STX7: variants seen among roughly 807,000 people sequenced by gnomAD.
The protein encoded by STX7 is syntaxin-7.
STX7 carries 34 observed loss-of-function variants against 39.6 expected under a neutral mutation model. The ratio of observed to expected loss-of-function variants is 0.86; its 90% CI spans 0.65 to 1.14. The LOEUF is 1.14. Among genes scored for constraint, STX7 ranks in the 50% most tolerant of loss-of-function variants. The pLI is 0.00. For synonymous variants in STX7, 119 were observed against 99.1 expected, an observed-to-expected ratio of 1.20 and a Z score of -1.19; for missense variants, 284 against 310.4, an observed-to-expected ratio of 0.92 and a Z score of 0.64.
intron 6 of STX7, 92 bp from the exon 7 acceptor site, chr6:132,470,139 G>A: frequency 2.2e-6 from 2 of 895,864 alleles, no homozygotes; most frequent in Non-Finnish European, 1.6e-6. Context: ...CATTAAATAG[G>A]ATATTTTATT....
intron 5 of STX7, among the ~76,000 whole-genome samples, 194 bp from the exon 6 acceptor site, chr6:132,470,820 T>A (rs1490873046): frequency 7.1e-6 from 1 of 140,854 alleles, no homozygotes; most frequent in Non-Finnish European, 1.5e-5. Context: ...CTTCAAGTAA[T>A]AATATAATTA....
At chr6:132,461,487 T>G (rs1774397385) in intron 9 of STX7, among the ~76,000 whole-genome samples, 1 of 151,992 alleles carries the variant, frequency 6.6e-6, no homozygotes, top group Non-Finnish European at 1.5e-5. Flanking sequence ...TTTTTTTGTA[T>G]TTTTAGTAGA....
chr6:132,494,152 A>T (rs1775364732), intron 2 of STX7, among the ~76,000 whole-genome samples: 1 of 152,208 alleles, frequency 6.6e-6, no homozygotes, highest in Non-Finnish European at 1.5e-5. Flanking sequence ...TACACTTAGG[A>T]TAAAATGTCT....
At position 132,458,458 on chromosome 6, in the gene STX7, G is replaced by T. The variant is rs2114337225; in HGVS notation, c.*2300C>A. On this transcript the variant is annotated 3_prime_UTR_variant, in exon 10 of 10. Transcript: ENST00000367941. ...TGCCACATTGTCGTTCAATTTACCT[G>T]GCTGGTTAATATCAGTCTGTGTTTG... is the stretch of plus-strand genomic sequence containing the variant. The T allele has an allele frequency of 6.6e-6, 1 of 152,258 alleles. No individual in the cohort carries two copies. The allele number at this position is 152,258 out of a possible 1,614,324, so 9.4% of individuals were successfully genotyped here.
At chr6:132,473,312 T>C (rs1391851858) in intron 3 of STX7, among the ~76,000 whole-genome samples, 1 of 152,162 alleles carries the variant, frequency 6.6e-6, no homozygotes. Context: ...TATCTGCAGA[T>C]TGGTTCCAGG....
chr6:132,450,930 C>T lies in STX7; in HGVS notation c.*9828G>A, dbSNP rs1393645622. The T allele has an allele frequency of 1.3e-5, 2 of 151,378 alleles. No individual in the cohort carries two copies. Among genetic ancestry groups the T allele is most frequent in the Admixed American group, 1.3e-4 (2 of 15,182 alleles). 9.4% of individuals were successfully genotyped at this position (151,378 alleles called of 1,614,324 possible). A position where few individuals can be genotyped will look rare whatever the true frequency, so the allele number is the denominator to read the frequency against. ...CATAAACATATAGATGGTGAGAAGA[C>T]CTCAAATATAATAAACCCCCCAAAT... On this transcript the variant is annotated 3_prime_UTR_variant, in exon 10 of 10. Coordinates refer to ENST00000367941, the MANE Select transcript of STX7 (RefSeq NM_003569.3).
At chr6:132,481,881 T>C (rs934683801) in intron 2 of STX7, among the ~76,000 whole-genome samples, 3 of 152,218 alleles carry the variant, frequency 2.0e-5, no homozygotes, top group African/African-American at 7.2e-5. Context: ...GTGGCATTTG[T>C]AATGGTTTGA....
At chr6:132,461,001 C>T (rs907014611) in intron 9 of STX7, 151 bp from the exon 10 acceptor site, 1 of 614,758 alleles carries the variant, frequency 1.6e-6, no homozygotes, top group African/African-American at 1.9e-5. Context: ...TTTTTTTGTT[C>T]CTCAAAAATC....
chr6:132,475,640 C>A lies in STX7; in HGVS notation c.108G>T (p.Leu36=), dbSNP rs780554229. ...AATCTTGAGGTGTTCCAAGTTGATT[C>A]AGAGTTCTTTGTATTTCCACAGCTA... The part of the protein sequence containing the change: ...TQCSVEIQRT[L]NQLGTPQDSP... Residue 36 remains leucine (L), a synonymous_variant, in exon 3 of 10, where the codon CTG becomes CTT. Coordinates refer to ENST00000367941, the MANE Select transcript of STX7 (RefSeq NM_003569.3). 1.2e-6 allele frequency: 2 copies of A among 1,608,634 alleles called. No homozygotes were observed. Among genetic ancestry groups the A allele is most frequent in the South Asian group, 2.2e-5 (2 of 90,044 alleles).
intron 2 of STX7, among the ~76,000 whole-genome samples, chr6:132,480,067 G>A (rs1774979024): frequency 1.3e-5 from 2 of 152,000 alleles, no homozygotes; most frequent in South Asian, 4.1e-4. Context: ...TGCCCCCTGT[G>A]GCCCGTCCCC....
chr6:132,506,437 A>G (rs1235288467), intron 1 of STX7, among the ~76,000 whole-genome samples: 1 of 152,214 alleles, frequency 6.6e-6, no homozygotes, highest in Non-Finnish European at 1.5e-5. Context: ...AAAGGGGGCA[A>G]AGCACATGAA....
At chr6:132,472,464 G>T in intron 3 of STX7, 89 bp from the exon 4 acceptor site, 1 of 987,614 alleles carries the variant, frequency 1.0e-6, no homozygotes, top group Non-Finnish European at 1.4e-6. Context: ...CTGATAAACA[G>T]TTGTACAAAA....
At chr6:132,503,714 G>A in intron 1 of STX7, 126 bp from the exon 2 acceptor site, 2 of 402,346 alleles carry the variant, frequency 5.0e-6, no homozygotes, top group Non-Finnish European at 8.9e-6. Flanking sequence ...CTGGCAAAGT[G>A]ACACATCAAA....
In STX7 at chr6:132,464,044, C is replaced by T; in HGVS notation, c.642G>A (p.Glu214=). The T allele has an allele frequency of 1.9e-6, 3 of 1,614,006 alleles. No individual in the cohort carries two copies. The highest frequency in any genetic ancestry group is 2.5e-6 in the Non-Finnish European group (3 of 1,179,976). The change falls in exon 9 of 10, where the codon GAG becomes GAA. Residue 214 remains glutamate (E), a synonymous_variant. Coordinates refer to ENST00000367941, the MANE Select transcript of STX7 (RefSeq NM_003569.3). The part of the protein sequence containing the change: ...DSIEANVENA[E]VHVQQANQQL... The stretch of plus-strand genomic sequence containing the variant: ...GCTGATTTGCTTGCTGAACGTGCAC[C>T]TCTGCATTTTCCACATTGGCTTCTA...
chr6:132,494,286 A>G (rs1473884855), intron 2 of STX7, among the ~76,000 whole-genome samples: 1 of 152,220 alleles, frequency 6.6e-6, no homozygotes, highest in Non-Finnish European at 1.5e-5. Flanking sequence ...AATTTCATTA[A>G]AAAATGAACG....
chr6:132,478,030 T>C (rs1774916653), intron 2 of STX7, among the ~76,000 whole-genome samples: 1 of 151,864 alleles, frequency 6.6e-6, no homozygotes, highest in African/African-American at 2.4e-5. Context: ...AAACAAAAGG[T>C]AAAGACTACA....
In STX7 at chr6:132,469,376, AGG is replaced by A. The variant is rs1438313041; in HGVS notation, c.537+573_537+574del. Reference sequence around the variant, plus strand: ...CTACACTGGTATTTTCTCAATACTAAGGTGGTCCATAGATGGCTTGATATAAC... The same window carrying A: ...CTACACTGGTATTTTCTCAATACTAATGGTCCATAGATGGCTTGATATAAC... On this transcript the variant is annotated intron_variant, in intron 7 of 9. Coordinates refer to ENST00000367941, the MANE Select transcript of STX7 (RefSeq NM_003569.3). Among the ~76,000 whole-genome samples, 4 of 152,210 alleles carry A rather than the reference AGG, an allele frequency of 2.6e-5. No homozygotes were observed. In the South Asian group the frequency reaches 6.2e-4, roughly 24 times the overall value.
chr6:132,505,760 A>C (rs976153105), intron 1 of STX7, among the ~76,000 whole-genome samples: 1 of 144,988 alleles, frequency 6.9e-6, no homozygotes, highest in Non-Finnish European at 1.5e-5. Context: ...AAAAAAAAAA[A>C]AAAACACAGG....
chr6:132,464,152 C>A, intron 8 of STX7, 77 bp from the exon 9 acceptor site: 1 of 1,363,668 alleles, frequency 7.3e-7, no homozygotes, highest in South Asian at 1.2e-5. Context: ...AAATTTCATT[C>A]AAGGTAAGAT....
Sources: allele counts gnomAD v4.1 joint callset (sites outside exome capture counted in the v4.1 genomes callset), GRCh38; gene constraint gnomAD v4.1.1; transcripts MANE v1.5; gene names NCBI Gene and HGNC (gene_info 2026-07-23, HGNC 2026-07-21).